The following MARF1 variants were observed in gnomAD, a reference collection of about 807,000 sequenced individuals.
MARF1 encodes limkain-b1.
A neutral mutation model predicts 168.2 loss-of-function variants in MARF1; 24 were observed. The ratio of observed to expected loss-of-function variants is 0.14; its 90% CI spans 0.10 to 0.20. The LOEUF (loss-of-function observed/expected upper bound fraction) is 0.20, where lower values mean the gene tolerates loss of function less well. Ranked by LOEUF, MARF1 falls within the 10% of genes least tolerant of loss-of-function variation. MARF1 has a pLI of 1.00. For missense variants in MARF1, 1,744 were observed against 2,143.6 expected (o/e 0.81, Z 3.68); for synonymous variants, 868 against 822.4 (o/e 1.06, Z -0.95).
intron 20 of MARF1, 40 bp from the exon 21 acceptor site, chr16:15,608,558 A>C (rs759866284): frequency 6.8e-7 from 1 of 1,471,676 alleles, no homozygotes; most frequent in South Asian, 1.1e-5. Context: ...AAAATAAACA[A>C]ATCACGGGTG....
At position 15,640,178 on chromosome 16, in the gene MARF1, C is replaced by CT. The variant is rs1176403059; in HGVS notation, c.-58-888dup. Among the ~76,000 whole-genome samples the CT allele has an allele frequency of 3.9e-5, 6 of 152,202 alleles. 1 individual carries two copies. Among genetic ancestry groups the CT allele is most frequent in the African/African-American group, 1.4e-4 (6 of 41,452 alleles). Reference sequence around the variant, plus strand: ...ACTATATGTAAGATTTTAAAATTGACTTAAGAGCAACTTCTTGCACTGGTT... The same window carrying CT: ...ACTATATGTAAGATTTTAAAATTGACTTTAAGAGCAACTTCTTGCACTGGTT... On this transcript the variant is annotated intron_variant, in intron 1 of 26. Transcript: ENST00000396368.
In MARF1 at chr16:15,600,535, C is replaced by T. The variant is rs767044564; in HGVS notation, c.4706G>A (p.Ser1569Asn). The part of the protein sequence containing the change: ...NDMKSRLSSL[S>N]LSPANHENQP... ...GTTTTCATGATTGGCAGGGGAGAGA[C>T]TGAGTGAACTCAAACGACCTACAGG... is the stretch of plus-strand genomic sequence containing the variant. Residue 1569 changes from serine to asparagine, a missense_variant, in exon 25 of 27, where the codon AGT becomes AAT. By Grantham distance (46) the Ser-to-Asn change is conservative (BLOSUM62 1). Around this residue, in one of 7 missense-constraint regions of MARF1, gnomAD observed 313 missense variants for 337.4 expected, o/e 0.93. Coordinates refer to ENST00000396368, the MANE Select transcript of MARF1 (RefSeq NM_014647.4). The T allele has an allele frequency of 1.2e-4, 193 of 1,614,106 alleles. No individual in the cohort carries two copies. The highest frequency in any genetic ancestry group is 1.6e-4 in the Non-Finnish European group (184 of 1,180,050).
chr16:15,608,384 T>C lies in MARF1; in HGVS notation c.4089A>G (p.Glu1363=), dbSNP rs1228391066. 3 of 1,613,982 alleles carry C rather than the reference T, an allele frequency of 1.9e-6. No homozygotes were observed. Among genetic ancestry groups the C allele is most frequent in the East Asian group, 2.2e-5 (1 of 44,868 alleles). ...NCLMMTDLLT[E]YAKTFGYTFR... Reference sequence around the variant, plus strand: ...ATGTATAACCAAAAGTTTTAGCATATTCTGTAAGGAGATCTGTCATCATAA... The same window carrying C: ...ATGTATAACCAAAAGTTTTAGCATACTCTGTAAGGAGATCTGTCATCATAA... Residue 1363 remains glutamate, a synonymous_variant, in exon 21 of 27, where the codon GAA becomes GAG. Transcript: ENST00000396368.
chr16:15,641,561 T>C (rs1201151137), intron 1 of MARF1, among the ~76,000 whole-genome samples: 1 of 152,228 alleles, frequency 6.6e-6, no homozygotes, highest in Non-Finnish European at 1.5e-5. Flanking sequence ...AGCAAATATT[T>C]ACTTAGTATC....
intron 23 of MARF1, chr16:15,601,172 G>A (rs2032385067): frequency 2.3e-6 from 1 of 441,456 alleles, no homozygotes; most frequent in Admixed American, 2.4e-5. Context: ...TAGTAGTGGA[G>A]CTAGGCTCCC....
At position 15,625,590 on chromosome 16, in the gene MARF1, T is replaced by C. The variant is rs1567572083; in HGVS notation, c.1735A>G (p.Ile579Val). The C allele has an allele frequency of 1.2e-6, 2 of 1,614,206 alleles. No individual in the cohort carries two copies. Among genetic ancestry groups the C allele is most frequent in the Non-Finnish European group, 1.7e-6 (2 of 1,180,012 alleles). Residue 579 changes from isoleucine (I) to valine (V), a missense_variant, in exon 8 of 27, where the codon ATT (isoleucine) becomes GTT (valine). Physicochemically the swap from Ile to Val is conservative, Grantham distance 29 (BLOSUM62 3). This residue lies in a region of MARF1 where 270 missense variants were observed against 260.6 expected (regional missense o/e 1.04). Coordinates refer to ENST00000396368, the MANE Select transcript of MARF1 (RefSeq NM_014647.4). ...ENEDVFGNRI[I>V]VSFTPKNREL... ...CTATTTTTTGGAGTAAATGACACAATGATCCTATTACCAAAGACATCTTCG... is the reference window on the plus strand; with the variant it reads ...CTATTTTTTGGAGTAAATGACACAACGATCCTATTACCAAAGACATCTTCG...
intron 16 of MARF1, among the ~76,000 whole-genome samples, chr16:15,614,186 T>TA (rs997248923): frequency 6.6e-6 from 1 of 152,000 alleles, no homozygotes; most frequent in African/African-American, 2.4e-5. Flanking sequence ...CTTTTTTTTT[T>TA]AAAGACAGAG....
Position 15,602,168 on chromosome 16 carries a change from C to G in MARF1, c.4449G>C (p.Lys1483Asn). Reference protein sequence around the residue: ...FTNDKMEECVKLTSLYLFAKN... With the variant: ...FTNDKMEECVNLTSLYLFAKN... ...TTGCAAACAAATACAGACTTGTGAG[C>G]TTCACACATTCTTCCATCTTATCAT... The change falls in exon 23 of 27, where the codon AAG becomes AAC. Residue 1483 changes from lysine (K) to asparagine (N), a missense_variant. This residue lies in a region of MARF1 where 313 missense variants were observed against 337.4 expected (regional missense o/e 0.93). Coordinates refer to ENST00000396368, the MANE Select transcript of MARF1 (RefSeq NM_014647.4). The G allele has an allele frequency of 1.2e-6, 2 of 1,614,164 alleles. No individual in the cohort carries two copies. The highest frequency in any genetic ancestry group is 2.2e-5 in the East Asian group (1 of 44,884).
Position 15,636,076 on chromosome 16 carries a change from G to C in MARF1, c.411C>G (p.Asp137Glu), listed in dbSNP as rs780545473. 1 of 1,614,130 alleles carries C rather than the reference G, an allele frequency of 6.2e-7. No homozygotes were observed. The highest frequency in any genetic ancestry group is 1.7e-5 in the Admixed American group (1 of 60,006). The change falls in exon 3 of 27, where the codon GAC becomes GAG. Residue 137 changes from aspartate (D) to glutamate (E), a missense_variant. Physicochemically the swap from Asp to Glu is conservative, Grantham distance 45. Coordinates refer to ENST00000396368, the MANE Select transcript of MARF1 (RefSeq NM_014647.4). ...SSLIHPGALLDSQSTRTITCQ... is the reference protein window; with the variant it reads ...SSLIHPGALLESQSTRTITCQ... ...ACGTGATTGTCCTGGTGCTTTGCGA[G>C]TCTAACAGTGCGCCCGGGTGAATCA...
At chr16:15,640,863 A>G (rs1377090459) in intron 1 of MARF1, among the ~76,000 whole-genome samples, 1 of 152,168 alleles carries the variant, frequency 6.6e-6, no homozygotes, top group Non-Finnish European at 1.5e-5. Context: ...ATGGCCCACA[A>G]AGCCTATATT....
intron 6 of MARF1, 71 bp from the exon 7 acceptor site, chr16:15,630,575 T>C (rs947999415): frequency 3.8e-5 from 52 of 1,381,962 alleles, no homozygotes; most frequent in African/African-American, 3.2e-4. Context: ...GACAACTCTA[T>C]TGACACCCAC....
At chr16:15,612,398 C>CGCCTGTG (rs1388839597) in intron 17 of MARF1, among the ~76,000 whole-genome samples, 159 bp downstream of exon 17, 1 of 152,124 alleles carries the variant, frequency 6.6e-6, no homozygotes, top group African/African-American at 2.4e-5. Context: ...ATTGAGAAGC[C>CGCCTGTG]GCCTGTGTGT....
rs193149671 is a variant in MARF1 at position 15,629,313 on chromosome 16, T to C, written c.1524+1019A>G. Among the ~76,000 whole-genome samples the C allele has an allele frequency of 1.7e-3, 264 of 152,308 alleles. 1 individual carries two copies. Among genetic ancestry groups the C allele is most frequent in the Non-Finnish European group, 2.9e-3 (194 of 68,034 alleles). On this transcript the variant is annotated intron_variant, in intron 7 of 26. Transcript: ENST00000396368. ...TATGCTTACTCCCTGGGTAAGCCTC[T>C]GGTATCCACAACTCTCAACTGTCCA...
intron 5 of MARF1, 39 bp from the exon 6 acceptor site, chr16:15,631,537 G>T: frequency 7.0e-7 from 1 of 1,435,748 alleles, no homozygotes; most frequent in South Asian, 1.2e-5. Flanking sequence ...AGCAGGAGCT[G>T]AGGCTAGAAA....
At chr16:15,616,906 T>C in intron 15 of MARF1, 146 bp downstream of exon 15, 4 of 1,174,102 alleles carry the variant, frequency 3.4e-6, no homozygotes, top group Non-Finnish European at 3.6e-6. Context: ...ATGTGGTGCA[T>C]GACTGTACTT....
intron 16 of MARF1, among the ~76,000 whole-genome samples, chr16:15,613,426 G>A (rs1490833984): frequency 6.6e-6 from 1 of 151,976 alleles, no homozygotes; most frequent in African/African-American, 2.4e-5. Flanking sequence ...GAGGCGGGCG[G>A]ATCACGAGGT....
chr16:15,630,297 T>C lies in MARF1; in HGVS notation c.1524+35A>G, dbSNP rs1431483814. ...GTCTTTCAGCCTCCACAATGTAATATTGGAAAATGGCAAAAATAACGCAAA... is the reference window on the plus strand; with the variant it reads ...GTCTTTCAGCCTCCACAATGTAATACTGGAAAATGGCAAAAATAACGCAAA... On this transcript the variant is annotated intron_variant, in intron 7 of 26. Transcript: ENST00000396368. The C allele has an allele frequency of 5.1e-6, 8 of 1,578,876 alleles. No homozygotes were observed. The African/African-American group carries it at 5.4e-5, about 11-fold the overall frequency.
intron 22 of MARF1, chr16:15,602,550 C>A: frequency 1.1e-5 from 5 of 441,840 alleles, no homozygotes; most frequent in East Asian, 6.6e-5. Context: ...ACGAAGACGA[C>A]GAATTGGACA....
At chr16:15,608,660 A>C in intron 20 of MARF1, 142 bp from the exon 21 acceptor site, 1 of 627,066 alleles carries the variant, frequency 1.6e-6, no homozygotes. Flanking sequence ...TGTAAGATGA[A>C]AAAGTTCAGA....
Sources: gnomAD v4.1 joint callset for allele counts (sites outside exome capture counted in the v4.1 genomes callset) on GRCh38, gnomAD v4.1.1 for gene constraint, gnomAD v4.1.1 regional missense constraint, MANE v1.5 for transcripts, NCBI Gene and HGNC (gene_info 2026-07-23, HGNC 2026-07-21) for gene names.